The following THBS4 variants were observed in gnomAD, a reference collection of about 807,000 sequenced individuals.
THBS4 encodes thrombospondin-4.
Under a neutral mutation model 115.7 loss-of-function variants are expected in THBS4, and 90 were observed. The observed-to-expected ratio is 0.78, with a 90% CI of 0.66 to 0.93. The LOEUF (loss-of-function observed/expected upper bound fraction) is 0.93, where lower values mean the gene tolerates loss of function less well. Among genes scored for constraint, THBS4 ranks in the 40% least tolerant of loss-of-function variants. THBS4 has a pLI of 0.00. For synonymous variants in THBS4, 460 were observed against 479.3 expected (o/e 0.96, Z 0.53); for missense variants, 1,087 against 1,232.7 (o/e 0.88, Z 1.77).
chr5:80,040,228 A>G lies in THBS4; in HGVS notation c.240A>G (p.Ser80=). 1 of 1,614,090 alleles carries G rather than the reference A, an allele frequency of 6.2e-7. No individual in the cohort carries two copies. The highest frequency in any genetic ancestry group is 1.3e-5 in the African/African-American group (1 of 75,020). The change falls in exon 2 of 22, where the codon TCA becomes TCG. Residue 80 remains serine (S), a synonymous_variant. Coordinates refer to ENST00000350881, the MANE Select transcript of THBS4 (RefSeq NM_003248.6). ...CCACCATCTTCGGTCTTTACTCTTC[A>G]ACTGACAACAGTAAATATTTTGAAT... is the stretch of plus-strand genomic sequence containing the variant. The part of the protein sequence containing the change: ...SSATIFGLYS[S]TDNSKYFEFT...
At chr5:79,997,549 A>G (rs1831819619) in intron 1 of THBS4, among the ~76,000 whole-genome samples, 1 of 98,466 alleles carries the variant, frequency 1.0e-5, no homozygotes. Context: ...ACAAATCCAT[A>G]ATTTTAACTA....
upstream of THBS4, among the ~76,000 whole-genome samples, chr5:80,030,688 T>G (rs1171099303): frequency 3.3e-5 from 5 of 152,234 alleles, no homozygotes; most frequent in East Asian, 9.7e-4. Context: ...TTTTTATTTT[T>G]ATAGAGATGA....
chr5:80,076,438 G>A (rs1436393244), intron 15 of THBS4, among the ~76,000 whole-genome samples: 1 of 152,188 alleles, frequency 6.6e-6, no homozygotes, highest in African/African-American at 2.4e-5. Context: ...GAGCCATAGA[G>A]AGGTCAGGTG....
At chr5:80,036,173 C>A in intron 1 of THBS4, 2 of 985,420 alleles carry the variant, frequency 2.0e-6, no homozygotes, top group Non-Finnish European at 2.4e-6. Flanking sequence ...GTCTTAATTT[C>A]TGAGGTAAAT....
intron 2 of THBS4, among the ~76,000 whole-genome samples, chr5:80,018,139 G>T (rs1444096643): frequency 6.6e-6 from 1 of 151,984 alleles, no homozygotes; most frequent in African/African-American, 2.4e-5. Context: ...TTGGAATATT[G>T]TCTCTTTTCC....
Position 80,072,402 on chromosome 5 carries a change from T to C in THBS4, c.1839+6T>C, listed in dbSNP as rs531321212. 4.3e-6 allele frequency: 7 copies of C among 1,611,014 alleles called. No homozygotes were observed. The African/African-American group carries it at 9.3e-5, about 21-fold the overall frequency. The stretch of plus-strand genomic sequence containing the variant: ...ATGTCAGCAACCCTAACCAGGTTAG[T>C]AGGATACTGGGGAATTCAAACTCCA... On this transcript the variant is annotated splice_donor_region_variant and intron_variant, in intron 14 of 21. Transcript: ENST00000350881.
At chr5:80,055,675 T>A in intron 2 of THBS4, 110 bp from the exon 3 acceptor site, 3 of 1,442,784 alleles carry the variant, frequency 2.1e-6, no homozygotes, top group Non-Finnish European at 2.8e-6. Flanking sequence ...CAACCCAGTC[T>A]TGTTACCAGG....
At chr5:80,073,565 C>T (rs545362476) in intron 15 of THBS4, among the ~76,000 whole-genome samples, 6 of 151,986 alleles carry the variant, frequency 3.9e-5, no homozygotes, top group Admixed American at 1.3e-4. Flanking sequence ...TTTGTATTTT[C>T]AGTAGAGACG....
Position 80,076,961 on chromosome 5 carries a change from G to C in THBS4, c.1999G>C (p.Asp667His), listed in dbSNP as rs1222193174. The change falls in exon 16 of 22, where the codon GAT (aspartate) becomes CAT (histidine). Residue 667 changes from aspartate to histidine, a missense_variant. Physicochemically the swap from Asp to His is moderately conservative, Grantham distance 81. Around this residue, in one of 3 missense-constraint regions of THBS4, gnomAD observed 979 missense variants for 1,103.7 expected, o/e 0.89. Coordinates refer to ENST00000350881, the MANE Select transcript of THBS4 (RefSeq NM_003248.6). ...DGIGDECDDD[D>H]DNDGIPDLVP... ...AATTGGTGACGAGTGTGATGATGAT[G>C]ATGACAATGATGGTATCCCAGACCT... The C allele has an allele frequency of 4.3e-6, 7 of 1,613,760 alleles. 1 individual carries two copies. The highest frequency in any genetic ancestry group is 2.2e-5 in the South Asian group (2 of 91,034).
At chr5:79,994,434 ATTG>A (rs1831748777) in intron 1 of THBS4, among the ~76,000 whole-genome samples, 1 of 152,118 alleles carries the variant, frequency 6.6e-6, no homozygotes, top group Non-Finnish European at 1.5e-5. Context: ...CCATGATATT[ATTG>A]TTATTATTTA....
At chr5:80,008,674 T>G (rs969653761) in intron 2 of THBS4, among the ~76,000 whole-genome samples, 1 of 152,192 alleles carries the variant, frequency 6.6e-6, no homozygotes, top group Admixed American at 6.5e-5. Flanking sequence ...CTATTGATTT[T>G]GGGGCAGTTA....
At chr5:80,082,936 C>G in intron 21 of THBS4, 144 bp from the exon 22 acceptor site, 1 of 755,666 alleles carries the variant, frequency 1.3e-6, no homozygotes. Flanking sequence ...AAGCAGCCTG[C>G]AGGAGAAAAT....
intron 15 of THBS4, 49 bp downstream of exon 15, chr5:80,073,376 A>T: frequency 2.6e-6 from 4 of 1,527,580 alleles, no homozygotes; most frequent in South Asian, 1.1e-5. Context: ...ACATCCGGAG[A>T]GGGTTTTTGG....
At position 80,083,164 on chromosome 5, in the gene THBS4, G is replaced by A; in HGVS notation, c.*23G>A. The A allele has an allele frequency of 1.9e-6, 3 of 1,599,254 alleles. No individual in the cohort carries two copies. Among genetic ancestry groups the A allele is most frequent in the South Asian group, 2.2e-5 (2 of 90,784 alleles). ...TAAACCAAGGAAGCAATCTGTAACT[G>A]CTTTTCGGAACACTAAAACCATATA... On this transcript the variant is annotated 3_prime_UTR_variant, in exon 22 of 22. Transcript: ENST00000350881.
upstream of THBS4, among the ~76,000 whole-genome samples, chr5:80,032,921 A>G (rs1473152029): frequency 1.3e-5 from 2 of 152,144 alleles, no homozygotes; most frequent in Non-Finnish European, 2.9e-5. Flanking sequence ...CTCAACATTA[A>G]CCATCATGAT....
intron 20 of THBS4, among the ~76,000 whole-genome samples, chr5:80,081,650 A>G (rs1217907836): frequency 1.3e-5 from 2 of 152,194 alleles, no homozygotes; most frequent in Non-Finnish European, 2.9e-5. Flanking sequence ...TTTTCAAACA[A>G]ATTTTCTCAA....
At chr5:80,051,777 A>G (rs1833266405) in intron 2 of THBS4, among the ~76,000 whole-genome samples, 1 of 152,248 alleles carries the variant, frequency 6.6e-6, no homozygotes. Context: ...CACCTGCTAT[A>G]TGTAAAGTAT....
At chr5:79,997,485 A>G (rs948253352) in intron 1 of THBS4, among the ~76,000 whole-genome samples, 4 of 152,212 alleles carry the variant, frequency 2.6e-5, no homozygotes, top group African/African-American at 7.2e-5. Flanking sequence ...GCACCAAACA[A>G]CAGTGCTTCA....
chr5:80,020,200 G>A lies in THBS4; in HGVS notation n.178-19877G>A, dbSNP rs543997619. ...CTTTTAAAAGTGAAATGTGCCGGGC[G>A]CAGTGGCTCACGCCTGTAATCCCAG... is the stretch of plus-strand genomic sequence containing the variant. On this transcript the variant is annotated intron_variant and non_coding_transcript_variant, in intron 2 of 3. Transcript: ENST00000510218. Among the ~76,000 whole-genome samples, 23 of 152,252 alleles carry A rather than the reference G, an allele frequency of 1.5e-4. No homozygotes were observed. In the South Asian group the frequency reaches 3.1e-3, roughly 21 times the overall value.
Sources: gnomAD v4.1 joint callset for allele counts (sites outside exome capture counted in the v4.1 genomes callset) on GRCh38, gnomAD v4.1.1 for gene constraint, gnomAD v4.1.1 regional missense constraint, MANE v1.5 for transcripts, NCBI Gene and HGNC (gene_info 2026-07-23, HGNC 2026-07-21) for gene names.